Variants in FAM184B observed in about 807,000 individuals in gnomAD.
FAM184B encodes protein FAM184B.
Under a neutral mutation model 135.9 loss-of-function variants are expected in FAM184B, and 111 were observed. The observed-to-expected ratio is 0.82, with a 90% CI of 0.70 to 0.96. The LOEUF (loss-of-function observed/expected upper bound fraction) is 0.96, where lower values mean the gene tolerates loss of function less well. FAM184B is among the 40% of genes least tolerant of loss of function. FAM184B has a pLI of 0.00. For synonymous variants in FAM184B, 552 were observed against 524.8 expected (o/e 1.05, Z -0.71); for missense variants, 1,375 against 1,323.9 (o/e 1.04, Z -0.60).
At chr4:17,652,129 CTTTTT>C (rs1173327491) in intron 11 of FAM184B, among the ~76,000 whole-genome samples, 1 of 81,448 alleles carries the variant, frequency 1.2e-5, no homozygotes, top group Non-Finnish European at 2.6e-5. Context: ...TATTTAATAT[CTTTTT>C]TTTTTTTTTT....
intron 7 of FAM184B, among the ~76,000 whole-genome samples, chr4:17,681,595 C>A (rs112166391): frequency 6.6e-6 from 1 of 152,206 alleles, no homozygotes; most frequent in South Asian, 2.1e-4. Flanking sequence ...TGCCTGCCAA[C>A]GGCCAGGACA....
At chr4:17,746,457 G>A (rs538556006) in intron 1 of FAM184B, among the ~76,000 whole-genome samples, 14 of 152,034 alleles carry the variant, frequency 9.2e-5, no homozygotes, top group East Asian at 7.9e-4. Flanking sequence ...TTGGCAGGGC[G>A]CGGTGGCTCA....
At position 17,644,564 on chromosome 4, in the gene FAM184B, T is replaced by G. The variant is rs181951139; in HGVS notation, c.2347-2336A>C. 5.8e-3 allele frequency among the ~76,000 whole-genome samples: 890 copies of G among 152,210 alleles called. 7 individuals are homozygous for G. Among genetic ancestry groups the G allele is most frequent in the Non-Finnish European group, 9.5e-3 (643 of 68,018 alleles). On this transcript the variant is annotated intron_variant, in intron 12 of 17. Coordinates refer to ENST00000265018, the MANE Select transcript of FAM184B (RefSeq NM_015688.2). ...TTCATGCTAAAAACTCTCAATAAATTAGGTATTGATGAGATGTATCTCAAA... is the reference window on the plus strand; with the variant it reads ...TTCATGCTAAAAACTCTCAATAAATGAGGTATTGATGAGATGTATCTCAAA...
At chr4:17,690,269 C>A (rs1716701653) in intron 6 of FAM184B, among the ~76,000 whole-genome samples, 4 of 152,174 alleles carry the variant, frequency 2.6e-5, no homozygotes, top group Admixed American at 2.6e-4. Flanking sequence ...GCATTCCAGA[C>A]AGCAGAAACA....
At chr4:17,766,250 C>T (rs1718684281) in intron 1 of FAM184B, among the ~76,000 whole-genome samples, 2 of 152,184 alleles carry the variant, frequency 1.3e-5, no homozygotes, top group South Asian at 2.1e-4. Context: ...CTGATTGGTC[C>T]GTTTTGACAG....
At chr4:17,672,175 G>A (rs1716182463) in intron 7 of FAM184B, among the ~76,000 whole-genome samples, 1 of 152,018 alleles carries the variant, frequency 6.6e-6, no homozygotes. Flanking sequence ...TCACATATAA[G>A]AGAACCCCCT....
chr4:17,775,948 G>T (rs564571330), intron 1 of FAM184B, among the ~76,000 whole-genome samples: 1 of 152,058 alleles, frequency 6.6e-6, no homozygotes, highest in Non-Finnish European at 1.5e-5. Context: ...TCACTACCAC[G>T]TATTGTATCC....
At chr4:17,637,304 G>A (rs1715171853) in intron 14 of FAM184B, among the ~76,000 whole-genome samples, 1 of 152,234 alleles carries the variant, frequency 6.6e-6, no homozygotes, top group African/African-American at 2.4e-5. Context: ...TGGGATTACA[G>A]GCGTGGGCCA....
intron 1 of FAM184B, among the ~76,000 whole-genome samples, chr4:17,743,411 T>C (rs1311737331): frequency 6.6e-6 from 1 of 152,138 alleles, no homozygotes; most frequent in East Asian, 1.9e-4. Context: ...GTTATAAAGT[T>C]CACTCTGGCT....
chr4:17,685,933 T>G (rs1009125052), intron 7 of FAM184B, among the ~76,000 whole-genome samples: 5 of 152,092 alleles, frequency 3.3e-5, no homozygotes, highest in African/African-American at 1.2e-4. Context: ...TACCTAGAAT[T>G]TCTATGTGTT....
chr4:17,774,371 GACAAACAAACAA>G (rs113601675), intron 1 of FAM184B, among the ~76,000 whole-genome samples: 1 of 151,980 alleles, frequency 6.6e-6, no homozygotes, highest in African/African-American at 2.4e-5. Context: ...CTGTCTCAAA[GACAAACAAACAA>G]ACAAACAAAC....
intron 1 of FAM184B, among the ~76,000 whole-genome samples, chr4:17,729,189 A>T (rs6850659): frequency 4.6e-5 from 7 of 152,316 alleles, no homozygotes; most frequent in East Asian, 1.9e-4. Context: ...AGGTGGCAGC[A>T]ATGCTGGGGG....
chr4:17,670,931 T>G (rs1716156857), intron 7 of FAM184B, among the ~76,000 whole-genome samples: 1 of 152,190 alleles, frequency 6.6e-6, no homozygotes, highest in Admixed American at 6.5e-5. Context: ...CAAACCATGT[T>G]GTGCAAATAC....
At chr4:17,776,556 T>C (rs1295375392) in intron 1 of FAM184B, among the ~76,000 whole-genome samples, 1 of 148,040 alleles carries the variant, frequency 6.8e-6, no homozygotes, top group Non-Finnish European at 1.5e-5. Flanking sequence ...GCCCAGCTAA[T>C]TCTTTTCGTA....
chr4:17,712,296 G>C (rs1717294549), intron 1 of FAM184B, among the ~76,000 whole-genome samples: 1 of 152,192 alleles, frequency 6.6e-6, no homozygotes, highest in South Asian at 2.1e-4. Context: ...GATCACTGGA[G>C]ATAAGGGGGT....
intron 6 of FAM184B, among the ~76,000 whole-genome samples, chr4:17,691,061 C>T (rs564239609): frequency 3.9e-5 from 6 of 152,190 alleles, no homozygotes; most frequent in Admixed American, 3.3e-4. Context: ...TGACTTGCAA[C>T]TGAATGTAAA....
At chr4:17,743,440 G>A (rs947505158) in intron 1 of FAM184B, among the ~76,000 whole-genome samples, 2 of 152,196 alleles carry the variant, frequency 1.3e-5, no homozygotes, top group African/African-American at 2.4e-5. Context: ...GAGAGCAGGT[G>A]GAAGCAGGGA....
intron 12 of FAM184B, among the ~76,000 whole-genome samples, chr4:17,643,295 C>T (rs1168404489): frequency 6.6e-6 from 1 of 152,138 alleles, no homozygotes; most frequent in East Asian, 1.9e-4. Context: ...CCTCCCCTTT[C>T]CTTTTTGACT....
intron 10 of FAM184B, among the ~76,000 whole-genome samples, chr4:17,655,662 G>T (rs1275728717): frequency 6.6e-6 from 1 of 152,140 alleles, no homozygotes; most frequent in African/African-American, 2.4e-5. Context: ...TGTTTGAGGG[G>T]CTGCCTTTTC....
Sources: gnomAD v4.1 joint callset for allele counts (sites outside exome capture counted in the v4.1 genomes callset) on GRCh38, gnomAD v4.1.1 for gene constraint, MANE v1.5 for transcripts, NCBI Gene and HGNC (gene_info 2026-07-23, HGNC 2026-07-21) for gene names.